COL22A1: variants seen among roughly 807,000 people sequenced by gnomAD.
The protein encoded by COL22A1 is collagen type XXII alpha 1 chain, also known as collagen alpha-1(XXII) chain.
A neutral mutation model predicts 248.9 loss-of-function variants in COL22A1; 221 were observed. The ratio of observed to expected loss-of-function variants is 0.89; its 90% CI spans 0.80 to 0.99. The LOEUF is 0.99. Ranked by LOEUF, COL22A1 falls within the 50% of genes least tolerant of loss-of-function variation. COL22A1 has a pLI of 0.00. For missense variants in COL22A1, 2,240 were observed against 2,179.0 expected (o/e 1.03, Z -0.56); for synonymous variants, 891 against 793.4 (o/e 1.12, Z -2.07).
chr8:138,751,520 G>A lies in COL22A1; in HGVS notation c.2032-9C>T. ...TCTGGGCCTATTGGACCCTTTAGGAGGGAGAAAAAGGAAAAAGAGAGAGAA... is the reference window on the plus strand; with the variant it reads ...TCTGGGCCTATTGGACCCTTTAGGAAGGAGAAAAAGGAAAAAGAGAGAGAA... On this transcript the variant is annotated splice_polypyrimidine_tract_variant and intron_variant, in intron 21 of 64. Transcript: ENST00000303045. 3 of 1,603,298 alleles carry A rather than the reference G, an allele frequency of 1.9e-6. No individual in the cohort carries two copies. The highest frequency in any genetic ancestry group is 2.6e-6 in the Non-Finnish European group (3 of 1,172,656).
chr8:138,745,344 G>C (rs1225843570), intron 22 of COL22A1, among the ~76,000 whole-genome samples: 1 of 152,146 alleles, frequency 6.6e-6, no homozygotes, highest in Non-Finnish European at 1.5e-5. Context: ...GAACCCAGGT[G>C]ACCAGGCACC....
intron 64 of COL22A1, among the ~76,000 whole-genome samples, chr8:138,589,882 T>C (rs1390342217): frequency 6.6e-6 from 1 of 152,132 alleles, no homozygotes; most frequent in African/African-American, 2.4e-5. Context: ...CTGGTGACAT[T>C]CCATTGTGTA....
intron 37 of COL22A1, among the ~76,000 whole-genome samples, chr8:138,686,239 G>A (rs1398442279): frequency 2.0e-5 from 3 of 152,116 alleles, no homozygotes; most frequent in African/African-American, 4.8e-5. Context: ...CATGGGCACC[G>A]GGGTCGGCTT....
chr8:138,891,251 TTC>T (rs1286398489), intron 1 of COL22A1, among the ~76,000 whole-genome samples: 1 of 152,212 alleles, frequency 6.6e-6, no homozygotes, highest in Non-Finnish European at 1.5e-5. Context: ...TTGACAGATT[TTC>T]TGTCTCAGGT....
intron 52 of COL22A1, 67 bp downstream of exon 52, chr8:138,623,665 A>G: frequency 7.2e-7 from 1 of 1,388,358 alleles, no homozygotes; most frequent in Non-Finnish European, 1.0e-6. Flanking sequence ...CTCCTCACAC[A>G]AAGTAGTTGT....
At chr8:138,816,582 C>T (rs1437654889) in intron 7 of COL22A1, among the ~76,000 whole-genome samples, 1 of 152,308 alleles carries the variant, frequency 6.6e-6, no homozygotes, top group African/African-American at 2.4e-5. Flanking sequence ...TTCAGCACGG[C>T]CCAGTCTGAG....
chr8:138,648,344 T>G (rs1822389848), intron 46 of COL22A1, among the ~76,000 whole-genome samples: 1 of 152,214 alleles, frequency 6.6e-6, no homozygotes, highest in African/African-American at 2.4e-5. Context: ...GAACAAGCAC[T>G]GCTTAAGGCT....
chr8:138,650,248 A>C (rs916393407), intron 45 of COL22A1, among the ~76,000 whole-genome samples: 1 of 152,170 alleles, frequency 6.6e-6, no homozygotes, highest in African/African-American at 2.4e-5. Context: ...CTGAACAAGG[A>C]AGAAGGATAA....
At chr8:138,636,687 G>GAGAA (rs1821207442) in intron 48 of COL22A1, 55 bp downstream of exon 48, 1 of 1,308,540 alleles carries the variant, frequency 7.6e-7, no homozygotes, top group East Asian at 2.3e-5. Context: ...AGCCACCTGG[G>GAGAA]AGAAACAGTG....
intron 41 of COL22A1, among the ~76,000 whole-genome samples, chr8:138,672,183 A>G (rs1438261775): frequency 6.6e-6 from 1 of 152,150 alleles, no homozygotes; most frequent in Non-Finnish European, 1.5e-5. Flanking sequence ...GACTTCAGGG[A>G]AGTGGCTTCA....
At chr8:138,673,144 C>T (rs1399399640) in intron 41 of COL22A1, among the ~76,000 whole-genome samples, 1 of 151,894 alleles carries the variant, frequency 6.6e-6, no homozygotes, top group African/African-American at 2.4e-5. Flanking sequence ...GCCCTGGATG[C>T]CAAAGGCATG....
intron 41 of COL22A1, among the ~76,000 whole-genome samples, chr8:138,675,191 G>A (rs1027572518): frequency 3.9e-5 from 6 of 152,180 alleles, no homozygotes; most frequent in African/African-American, 1.4e-4. Flanking sequence ...GTGGAAGCCA[G>A]GAGGCCTGCT....
At position 138,737,559 on chromosome 8, in the gene COL22A1, C is replaced by T. The variant is rs1319141072; in HGVS notation, c.2104G>A (p.Gly702Arg). ...AGCAATCCAGGGATTCCAGGTGGTC[C>T]CATGTCACCTTTCTTCCCCTGAGTG... ...QGLRGKKGDM[G>R]PPGIPGLLGL... The change falls in exon 23 of 65, where the codon GGA becomes AGA. Residue 702 changes from glycine (G) to arginine (R), a missense_variant. Gly to Arg is a moderately radical substitution (Grantham distance 125). Transcript: ENST00000303045. The T allele has an allele frequency of 6.2e-7, 1 of 1,611,264 alleles. No homozygotes were observed. Among genetic ancestry groups the T allele is most frequent in the Admixed American group, 1.7e-5 (1 of 59,956 alleles).
At chr8:138,767,879 T>C (rs114931078) in intron 16 of COL22A1, among the ~76,000 whole-genome samples, 3,503 of 152,320 alleles carry the variant, frequency 0.023, 125 homozygotes, top group African/African-American at 0.08. Context: ...GCACATTCAG[T>C]GTGGGAGGGA....
chr8:138,826,636 A>G, intron 6 of COL22A1, 22 bp downstream of exon 6: 1 of 1,612,724 alleles, frequency 6.2e-7, no homozygotes, highest in Non-Finnish European at 8.5e-7. Flanking sequence ...GACCACTGAG[A>G]TAAGGCATCT....
At chr8:138,651,983 GCTGTCGGAGACCCAGAC>G (rs1442558002) in intron 45 of COL22A1, among the ~76,000 whole-genome samples, 1 of 152,204 alleles carries the variant, frequency 6.6e-6, no homozygotes, top group Admixed American at 6.5e-5. Context: ...GAAGACCAGA[GCTGTCGGAGACCCAGAC>G]CTACCTGTGA....
At chr8:138,606,314 G>C in intron 58 of COL22A1, 67 bp downstream of exon 58, 1 of 1,372,570 alleles carries the variant, frequency 7.3e-7, no homozygotes, top group South Asian at 1.2e-5. Flanking sequence ...TGGCAGGGAA[G>C]GTACTGCATG....
At chr8:138,722,288 CA>C in intron 25 of COL22A1, 199 bp from the exon 26 acceptor site, 2 of 583,614 alleles carry the variant, frequency 3.4e-6, no homozygotes, top group Admixed American at 6.7e-5. Flanking sequence ...ACTACTGAAG[CA>C]AATATCACCC....
chr8:138,846,661 G>A (rs1586879417), intron 3 of COL22A1, among the ~76,000 whole-genome samples: 1 of 152,308 alleles, frequency 6.6e-6, no homozygotes, highest in East Asian at 1.9e-4. Flanking sequence ...CAAGGAGGTA[G>A]GGTTAGCATC....
Sources: gnomAD v4.1 joint callset for allele counts (sites outside exome capture counted in the v4.1 genomes callset) on GRCh38, gnomAD v4.1.1 for gene constraint, MANE v1.5 for transcripts, NCBI Gene and HGNC (gene_info 2026-07-23, HGNC 2026-07-21) for gene names.